The following ROBO2 variants were observed in gnomAD, a reference collection of about 807,000 sequenced individuals.
The protein encoded by ROBO2 is roundabout guidance receptor 2.
In ROBO2, 53 loss-of-function variants were observed where a neutral mutation model predicts 160.8. The observed-to-expected ratio is 0.33, with a 90% CI of 0.26 to 0.41. The LOEUF is 0.41. ROBO2 is among the 10% of genes least tolerant of loss of function. The probability of loss-of-function intolerance (pLI) is 1.00; values close to 1 mark genes in which losing one functional copy is unlikely to be tolerated. For synonymous variants in ROBO2, 664 were observed against 611.7 expected, an observed-to-expected ratio of 1.09 and a Z score of -1.26; for missense variants, 1,577 against 1,722.4, an observed-to-expected ratio of 0.92 and a Z score of 1.49.
intron 2 of ROBO2, among the ~76,000 whole-genome samples, chr3:76,032,407 T>A (rs1002964116): frequency 6.6e-6 from 1 of 152,156 alleles, no homozygotes; most frequent in Admixed American, 6.5e-5. Flanking sequence ...AGCTTTTGAA[T>A]GTGTTTGCTC....
At chr3:77,328,177 C>T (rs1426938322) in intron 2 of ROBO2, among the ~76,000 whole-genome samples, 2 of 151,400 alleles carry the variant, frequency 1.3e-5, no homozygotes, top group Admixed American at 1.3e-4. Context: ...ATCACTTCCT[C>T]TTCCCTCCCA....
chr3:76,172,118 TG>T (rs2073061722), intron 2 of ROBO2, among the ~76,000 whole-genome samples: 1 of 152,074 alleles, frequency 6.6e-6, no homozygotes, highest in South Asian at 2.1e-4. Flanking sequence ...GATAGTTTGC[TG>T]AGAATGATGG....
At chr3:77,380,069 T>C (rs1478260860) in intron 2 of ROBO2, among the ~76,000 whole-genome samples, 2 of 152,212 alleles carry the variant, frequency 1.3e-5, no homozygotes, top group African/African-American at 4.8e-5. Flanking sequence ...TCCAACCCTT[T>C]CACTGTGTGC....
intron 2 of ROBO2, among the ~76,000 whole-genome samples, chr3:76,144,743 G>T (rs2071818412): frequency 6.6e-6 from 1 of 151,960 alleles, no homozygotes; most frequent in Admixed American, 6.6e-5. Flanking sequence ...TTAACTTGTG[G>T]AATATGGATG....
At chr3:77,109,829 C>G (rs1266412064) in intron 2 of ROBO2, among the ~76,000 whole-genome samples, 1 of 152,172 alleles carries the variant, frequency 6.6e-6, no homozygotes, top group Non-Finnish European at 1.5e-5. Context: ...CACTGATTTA[C>G]TTGAACAAGC....
intron 2 of ROBO2, among the ~76,000 whole-genome samples, chr3:76,353,703 G>A (rs1018946647): frequency 6.6e-6 from 1 of 151,874 alleles, no homozygotes; most frequent in African/African-American, 2.4e-5. Flanking sequence ...TACAACCTTC[G>A]CAACCTGTTC....
chr3:77,187,776 T>A (rs1360650886), intron 2 of ROBO2, among the ~76,000 whole-genome samples: 1 of 151,962 alleles, frequency 6.6e-6, no homozygotes, highest in African/African-American at 2.4e-5. Flanking sequence ...TAAAAAAGTG[T>A]ATTATGTTTA....
chr3:77,146,171 C>T (rs758282897), intron 2 of ROBO2, among the ~76,000 whole-genome samples: 10 of 152,178 alleles, frequency 6.6e-5, no homozygotes, highest in Non-Finnish European at 1.0e-4. Context: ...CCACAATCAG[C>T]GAGATACACA....
chr3:77,476,368 ATGTGTGTGTGTGTGTGTGTGTGTG>A (rs60219148), intron 2 of ROBO2, among the ~76,000 whole-genome samples: 2 of 144,116 alleles, frequency 1.4e-5, no homozygotes, highest in Non-Finnish European at 3.1e-5. Context: ...GTCTGTGGGT[ATGTGTGTGTGTGTGTGTGTGTGTG>A]TGTGTGTGTG....
At chr3:76,486,880 A>G (rs2079525952) in intron 2 of ROBO2, among the ~76,000 whole-genome samples, 2 of 152,150 alleles carry the variant, frequency 1.3e-5, no homozygotes, top group Admixed American at 1.3e-4. Flanking sequence ...TGTCCTTGAT[A>G]TCTTTTCTAA....
intron 2 of ROBO2, among the ~76,000 whole-genome samples, chr3:76,883,799 T>C (rs984573892): frequency 1.3e-5 from 2 of 152,226 alleles, no homozygotes; most frequent in Non-Finnish European, 2.9e-5. Context: ...CTGGAACTTT[T>C]TGTTCAACAA....
chr3:77,628,706 A>G (rs4684017), intron 23 of ROBO2, among the ~76,000 whole-genome samples: 110,766 of 152,060 alleles, frequency 0.73, 40,525 homozygotes, highest in East Asian at 0.84. Context: ...GGATGTCGAA[A>G]ATCCCAGACA....
intron 2 of ROBO2, among the ~76,000 whole-genome samples, chr3:76,787,975 A>G (rs572788272): frequency 1.5e-4 from 23 of 151,402 alleles, no homozygotes; most frequent in Non-Finnish European, 3.0e-4. Flanking sequence ...CAGTAAAAAT[A>G]AATCTAATGT....
intron 2 of ROBO2, among the ~76,000 whole-genome samples, chr3:76,882,014 G>T (rs2073386809): frequency 6.6e-6 from 1 of 150,398 alleles, no homozygotes; most frequent in Non-Finnish European, 1.5e-5. Context: ...GTGGTAGTTT[G>T]GTTGTGTGTG....
intron 1 of ROBO2, among the ~76,000 whole-genome samples, chr3:77,048,139 G>T (rs985779455): frequency 1.3e-5 from 2 of 152,200 alleles, no homozygotes; most frequent in Non-Finnish European, 2.9e-5. Context: ...ATTTTTATTA[G>T]ATTATTATTC....
chr3:76,135,190 A>G (rs371169956), intron 2 of ROBO2, among the ~76,000 whole-genome samples: 1 of 152,050 alleles, frequency 6.6e-6, no homozygotes, highest in Non-Finnish European at 1.5e-5. Flanking sequence ...CAGTCACATC[A>G]TGGGTCACAC....
chr3:76,151,714 A>C (rs1383942162), intron 2 of ROBO2, among the ~76,000 whole-genome samples: 1 of 152,054 alleles, frequency 6.6e-6, no homozygotes, highest in African/African-American at 2.4e-5. Flanking sequence ...CAAATGATCC[A>C]TTTTCCAAAC....
intron 2 of ROBO2, among the ~76,000 whole-genome samples, chr3:77,258,734 C>T (rs1212579058): frequency 6.6e-6 from 1 of 152,112 alleles, no homozygotes; most frequent in Non-Finnish European, 1.5e-5. Context: ...CAAAGTCTAG[C>T]ATCAAGGCCT....
chr3:76,577,246 C>A (rs1466075758), intron 2 of ROBO2, among the ~76,000 whole-genome samples: 5 of 151,956 alleles, frequency 3.3e-5, no homozygotes, highest in African/African-American at 7.2e-5. Context: ...GGAAATAATA[C>A]TTTGAGGAAG....
Sources: gnomAD v4.1 joint callset for allele counts (sites outside exome capture counted in the v4.1 genomes callset) on GRCh38, gnomAD v4.1.1 for gene constraint, MANE v1.5 for transcripts, NCBI Gene and HGNC (gene_info 2026-07-23, HGNC 2026-07-21) for gene names.